ARHGAP35: variants seen among roughly 807,000 people sequenced by gnomAD.
The protein encoded by ARHGAP35 is rho GTPase-activating protein 35.
ARHGAP35 carries 15 observed loss-of-function variants against 111.1 expected under a neutral mutation model. That is an observed-to-expected ratio of 0.13 (90% confidence interval 0.09 to 0.21). ARHGAP35 has a LOEUF of 0.21. ARHGAP35 is among the 10% of genes least tolerant of loss of function. The pLI is 1.00. For synonymous variants in ARHGAP35, 643 were observed against 710.3 expected (o/e 0.91, Z 1.51); for missense variants, 1,262 against 1,873.0 (o/e 0.67, Z 6.02).
At chr19:46,930,838 G>A (rs1196937047) in intron 2 of ARHGAP35, among the ~76,000 whole-genome samples, 2 of 151,826 alleles carry the variant, frequency 1.3e-5, no homozygotes, top group African/African-American at 4.8e-5. Context: ...CAAATAGATT[G>A]GAAGTTCATT....
intron 2 of ARHGAP35, among the ~76,000 whole-genome samples, chr19:46,932,939 T>C (rs1410358426): frequency 6.6e-6 from 1 of 152,102 alleles, no homozygotes; most frequent in East Asian, 1.9e-4. Flanking sequence ...TCGCTCCCAA[T>C]GTGACCCTTT....
rs892487272 is a variant in ARHGAP35 at position 46,901,515 on chromosome 19, G to T, written c.-188-16973G>T. 2.0e-5 allele frequency among the ~76,000 whole-genome samples: 3 copies of T among 152,110 alleles called. No homozygotes were observed. The highest frequency in any genetic ancestry group is 2.9e-5 in the Non-Finnish European group (2 of 68,006). On this transcript the variant is annotated intron_variant, in intron 1 of 6. Transcript: ENST00000672722. The surrounding 1 kb of genome is among the most constrained non-coding windows in gnomAD (Gnocchi z 4.5). ...AGAGGTTGCAGTGAGCCGAGATCGC[G>T]CCACTGCACTCCAGCCTGGGTGACA...
chr19:46,980,106 CG>C, intron 3 of ARHGAP35, among the ~76,000 whole-genome samples: 1 of 152,092 alleles, frequency 6.6e-6, no homozygotes, highest in Non-Finnish European at 1.5e-5. Flanking sequence ...AATTGAGGGC[CG>C]GGCGCGGTGT....
chr19:46,889,230 C>T (rs2056011508), intron 1 of ARHGAP35, among the ~76,000 whole-genome samples: 1 of 152,124 alleles, frequency 6.6e-6, no homozygotes, highest in South Asian at 2.1e-4. Flanking sequence ...CTTTGGGAGG[C>T]TGAGGTGGGC....
chr19:46,906,005 G>A (rs990360854), intron 1 of ARHGAP35, among the ~76,000 whole-genome samples: 10 of 149,082 alleles, frequency 6.7e-5, no homozygotes, highest in Non-Finnish European at 1.2e-4. Context: ...TTTTTTTAAC[G>A]TGGGACACCA....
intron 3 of ARHGAP35, among the ~76,000 whole-genome samples, chr19:46,987,209 C>CT (rs1205470825): frequency 3.6e-5 from 5 of 137,502 alleles, no homozygotes; most frequent in East Asian, 2.2e-4. Context: ...TTTTTTTTTT[C>CT]TTTTTTTTCT....
At chr19:46,925,106 C>T (rs1005125656) in intron 2 of ARHGAP35, among the ~76,000 whole-genome samples, 2 of 152,174 alleles carry the variant, frequency 1.3e-5, no homozygotes, top group Non-Finnish European at 2.9e-5. Flanking sequence ...GGCCACACCT[C>T]TTCAAGTCAA....
chr19:46,919,909 G>A lies in ARHGAP35; in HGVS notation c.1234G>A (p.Ala412Thr), dbSNP rs2056187763. Reference sequence around the variant, plus strand: ...CTTTGATTTAATGGATACCGTCCCTGCAGAGCAGCTATACGAGGCCCACTT... The same window carrying A: ...CTTTGATTTAATGGATACCGTCCCTACAGAGCAGCTATACGAGGCCCACTT... Reference protein sequence around the residue: ...IPFDLMDTVPAEQLYEAHLEK... With the variant: ...IPFDLMDTVPTEQLYEAHLEK... Residue 412 changes from alanine to threonine, a missense_variant, in exon 2 of 7, where the codon GCA (alanine) becomes ACA (threonine). By Grantham distance (58) the Ala-to-Thr change is moderately conservative. Coordinates refer to ENST00000672722, the MANE Select transcript of ARHGAP35 (RefSeq NM_004491.5). The surrounding 1 kb of genome is among the most constrained non-coding windows in gnomAD (Gnocchi z 6.2). The A allele has an allele frequency of 1.2e-6, 2 of 1,613,866 alleles. No homozygotes were observed. Among genetic ancestry groups the A allele is most frequent in the Non-Finnish European group, 8.5e-7 (1 of 1,179,904 alleles).
At chr19:46,953,380 C>T (rs1277998741) in intron 3 of ARHGAP35, among the ~76,000 whole-genome samples, 1 of 151,906 alleles carries the variant, frequency 6.6e-6, no homozygotes, top group East Asian at 1.9e-4. Flanking sequence ...GAGAACCATG[C>T]CATTTCCTGG....
chr19:46,988,445 CAG>C lies in ARHGAP35; in HGVS notation c.3904+380_3904+381del. 4.3e-6 allele frequency: 1 copy of C among 233,892 alleles called. No homozygotes were observed. Among genetic ancestry groups the C allele is most frequent in the Non-Finnish European group, 8.7e-6 (1 of 115,272 alleles). The allele number at this position is 233,892 out of a possible 1,614,324, so 14.5% of individuals were successfully genotyped here. A position where few individuals can be genotyped will look rare whatever the true frequency, so the allele number is the denominator to read the frequency against. On this transcript the variant is annotated intron_variant, in intron 4 of 6. Coordinates refer to ENST00000672722, the MANE Select transcript of ARHGAP35 (RefSeq NM_004491.5). The surrounding 1 kb of genome is among the most constrained non-coding windows in gnomAD (Gnocchi z 5.4). ...GGGTTGAGATGTGATCCTGTTTTGCCAGGGCCTCAGATCTACCCTCCTCACAA... is the reference window on the plus strand; with the variant it reads ...GGGTTGAGATGTGATCCTGTTTTGCCGGCCTCAGATCTACCCTCCTCACAA...
At chr19:46,938,788 G>C (rs1385667497) in intron 3 of ARHGAP35, among the ~76,000 whole-genome samples, 1 of 151,972 alleles carries the variant, frequency 6.6e-6, no homozygotes, top group Non-Finnish European at 1.5e-5. Flanking sequence ...CTCCTGAGTA[G>C]CTGGGATTAC....
Position 46,999,461 on chromosome 19 carries a change from G to A in ARHGAP35, c.4142+52G>A. ...TTTTCCTCCTGAAAATTGACAGCCA[G>A]GGTCAGTGTGTCGCAGAACAAGGCT... On this transcript the variant is annotated intron_variant, in intron 6 of 6. Transcript: ENST00000672722. The surrounding 1 kb of genome is among the most constrained non-coding windows in gnomAD (Gnocchi z 5.4). 8.4e-7 allele frequency: 1 copy of A among 1,193,426 alleles called. No homozygotes were observed. The highest frequency in any genetic ancestry group is 1.2e-6 in the Non-Finnish European group (1 of 823,514). 73.9% of individuals were successfully genotyped at this position (1,193,426 alleles called of 1,614,324 possible). A position where few individuals can be genotyped will look rare whatever the true frequency, so the allele number is the denominator to read the frequency against.
At chr19:46,976,344 T>C (rs1027540414) in intron 3 of ARHGAP35, among the ~76,000 whole-genome samples, 3 of 151,636 alleles carry the variant, frequency 2.0e-5, no homozygotes, top group African/African-American at 7.3e-5. Context: ...GCTCGCCAGC[T>C]CTTGCCTGTT....
intron 1 of ARHGAP35, among the ~76,000 whole-genome samples, chr19:46,895,764 C>G (rs2056051622): frequency 6.6e-6 from 1 of 152,128 alleles, no homozygotes; most frequent in African/African-American, 2.4e-5. Flanking sequence ...ATGCCCTTGT[C>G]TGTGAAATGA....
intron 1 of ARHGAP35, among the ~76,000 whole-genome samples, chr19:46,867,081 T>C (rs2055861873): frequency 6.6e-6 from 1 of 152,240 alleles, no homozygotes; most frequent in Admixed American, 6.5e-5. Flanking sequence ...CATCTGTCAA[T>C]CTAATTTTCA....
intron 1 of ARHGAP35, among the ~76,000 whole-genome samples, chr19:46,870,157 G>A (rs2055880198): frequency 1.3e-5 from 2 of 151,546 alleles, no homozygotes; most frequent in Admixed American, 6.6e-5. Flanking sequence ...CACTGTGTTA[G>A]CCAGGCTGGT....
intron 3 of ARHGAP35, among the ~76,000 whole-genome samples, chr19:46,973,100 C>T (rs1377465219): frequency 6.6e-6 from 1 of 152,202 alleles, no homozygotes. Context: ...CAGTGGCTCA[C>T]GCCTGTAATC....
chr19:46,954,998 G>A (rs2056431524), intron 3 of ARHGAP35, among the ~76,000 whole-genome samples: 1 of 152,206 alleles, frequency 6.6e-6, no homozygotes, highest in Admixed American at 6.5e-5. Context: ...AGCCAGTGAA[G>A]GACCCTGAAT....
intron 3 of ARHGAP35, among the ~76,000 whole-genome samples, chr19:46,952,327 T>C (rs1489041939): frequency 6.6e-6 from 1 of 152,226 alleles, no homozygotes; most frequent in Non-Finnish European, 1.5e-5. Context: ...ATCCTCCAAA[T>C]AAATTGTCAA....
Sources: allele counts gnomAD v4.1 joint callset (sites outside exome capture counted in the v4.1 genomes callset), GRCh38; gene constraint gnomAD v4.1.1; non-coding constraint Gnocchi (gnomAD v3.1); transcripts MANE v1.5; gene names NCBI Gene and HGNC (gene_info 2026-07-23, HGNC 2026-07-21).